Variants in GABRG2 observed in about 807,000 individuals in gnomAD.
GABRG2 encodes the protein gamma-aminobutyric acid receptor subunit gamma-2.
GABRG2 carries 16 observed loss-of-function variants against 56.4 expected under a neutral mutation model. The observed-to-expected ratio is 0.28, with a 90% CI of 0.19 to 0.43. The LOEUF (loss-of-function observed/expected upper bound fraction) is 0.43. Among genes scored for constraint, GABRG2 ranks in the 20% least tolerant of loss-of-function variants. The probability of loss-of-function intolerance (pLI) is 1.00; values close to 1 mark genes in which losing one functional copy is unlikely to be tolerated. For synonymous variants in GABRG2, 208 were observed against 205.5 expected, an observed-to-expected ratio of 1.01 and a Z score of -0.10; for missense variants, 327 against 582.7, an observed-to-expected ratio of 0.56 and a Z score of 4.52.
intron 7 of GABRG2, among the ~76,000 whole-genome samples, chr5:162,146,610 A>G (rs1483498509): frequency 1.3e-5 from 2 of 152,290 alleles, no homozygotes; most frequent in African/African-American, 4.8e-5. Context: ...TCACACATTC[A>G]TTGAACAAAC....
chr5:162,115,652 T>C (rs192569373), intron 6 of GABRG2, among the ~76,000 whole-genome samples: 1 of 152,200 alleles, frequency 6.6e-6, no homozygotes, highest in East Asian at 1.9e-4. Flanking sequence ...GTGACATGGC[T>C]TTCAGAGAGG....
chr5:162,069,939 A>G (rs1277896897), intron 1 of GABRG2, among the ~76,000 whole-genome samples: 1 of 152,142 alleles, frequency 6.6e-6, no homozygotes, highest in Non-Finnish European at 1.5e-5. Context: ...GACACAAGGG[A>G]ATGTCTTTCT....
At chr5:162,095,044 A>G (rs1044318369) in intron 2 of GABRG2, among the ~76,000 whole-genome samples, 2 of 152,106 alleles carry the variant, frequency 1.3e-5, no homozygotes, top group Admixed American at 6.6e-5. Flanking sequence ...TTATATTACC[A>G]GTTTGCTGTT....
intron 1 of GABRG2, among the ~76,000 whole-genome samples, chr5:162,080,151 C>T (rs1032318863): frequency 1.3e-5 from 2 of 152,158 alleles, no homozygotes; most frequent in African/African-American, 2.4e-5. Context: ...GTTTCTAATA[C>T]TTGCATGCCA....
At chr5:162,139,370 A>G (rs1368160219) in intron 6 of GABRG2, among the ~76,000 whole-genome samples, 3 of 152,212 alleles carry the variant, frequency 2.0e-5, no homozygotes, top group Admixed American at 6.5e-5. Context: ...GTTTTCAGGA[A>G]TACAAAAAGC....
At chr5:162,080,712 T>C (rs1357925523) in intron 1 of GABRG2, among the ~76,000 whole-genome samples, 4 of 152,128 alleles carry the variant, frequency 2.6e-5, no homozygotes, top group Non-Finnish European at 5.9e-5. Context: ...GCGTTTTACC[T>C]GCCAGTTTTC....
At chr5:162,123,409 A>G (rs1763108460) in intron 6 of GABRG2, among the ~76,000 whole-genome samples, 1 of 151,776 alleles carries the variant, frequency 6.6e-6, no homozygotes, top group African/African-American at 2.4e-5. Flanking sequence ...TGATGATGGT[A>G]TTGTCATACC....
At chr5:162,089,460 T>A (rs1760391649) in intron 1 of GABRG2, among the ~76,000 whole-genome samples, 1 of 152,106 alleles carries the variant, frequency 6.6e-6, no homozygotes, top group African/African-American at 2.4e-5. Flanking sequence ...GCATGGGAAT[T>A]TTTATTAGAA....
intron 4 of GABRG2, chr5:162,098,105 T>C: frequency 1.9e-6 from 1 of 517,214 alleles, no homozygotes; most frequent in Non-Finnish European, 3.5e-6. Flanking sequence ...AAACTATTTT[T>C]TGTCACAACT....
At chr5:162,109,533 C>T (rs1248275198) in intron 6 of GABRG2, among the ~76,000 whole-genome samples, 2 of 150,978 alleles carry the variant, frequency 1.3e-5, no homozygotes, top group African/African-American at 4.9e-5. Context: ...CAACAGAAAC[C>T]TTCTTTTAAT....
intron 1 of GABRG2, among the ~76,000 whole-genome samples, chr5:162,076,302 C>T (rs893082883): frequency 2.6e-5 from 4 of 152,028 alleles, no homozygotes; most frequent in Non-Finnish European, 5.9e-5. Context: ...TTATTTATCC[C>T]CTGATATATC....
chr5:162,087,615 A>T (rs1312194657), intron 1 of GABRG2, among the ~76,000 whole-genome samples: 1 of 152,060 alleles, frequency 6.6e-6, no homozygotes, highest in Non-Finnish European at 1.5e-5. Flanking sequence ...AATGCCATGG[A>T]GGATAGAAGA....
chr5:162,139,317 G>A (rs187711865), intron 6 of GABRG2, among the ~76,000 whole-genome samples: 23 of 152,286 alleles, frequency 1.5e-4, no homozygotes, highest in Non-Finnish European at 2.1e-4. Context: ...CACTGATGCC[G>A]CACTTTAAGG....
intron 4 of GABRG2, chr5:162,099,249 T>C (rs745829214): frequency 2.6e-5 from 4 of 152,028 alleles, no homozygotes; most frequent in Non-Finnish European, 5.9e-5. Flanking sequence ...GATATAGTAA[T>C]GACTGAGTTT....
At chr5:162,129,483 A>G (rs1005220802) in intron 6 of GABRG2, among the ~76,000 whole-genome samples, 2 of 149,458 alleles carry the variant, frequency 1.3e-5, no homozygotes, top group South Asian at 2.1e-4. Flanking sequence ...TTAAAAAGTG[A>G]AAAAAAAAAT....
At chr5:162,122,044 T>C (rs184533245) in intron 6 of GABRG2, among the ~76,000 whole-genome samples, 25 of 152,102 alleles carry the variant, frequency 1.6e-4, no homozygotes, top group African/African-American at 6.0e-4. Context: ...TTAAAAACAT[T>C]CTTAACTTTA....
intron 1 of GABRG2, among the ~76,000 whole-genome samples, chr5:162,080,769 G>T (rs73304511): frequency 0.015 from 2,211 of 152,172 alleles, 56 homozygotes; most frequent in African/African-American, 0.05. Flanking sequence ...CTTCATCAGA[G>T]TTATATAACG....
At position 162,142,017 on chromosome 5, in the gene GABRG2, C is replaced by A. The variant is rs970715930; in HGVS notation, c.770-147C>A. 5.9e-6 allele frequency: 6 copies of A among 1,024,394 alleles called. No individual in the cohort carries two copies. In the African/African-American group the frequency reaches 6.3e-5, roughly 11 times the overall value. The allele number at this position is 1,024,394 out of a possible 1,614,324, so 63.5% of individuals were successfully genotyped here. A position where few individuals can be genotyped will look rare whatever the true frequency, so the allele number is the denominator to read the frequency against. ...TGTGTTTCATTTTTGTTTTTTAACC[C>A]AAGCGGGCAAAAATAGTTTTCAACA... On this transcript the variant is annotated intron_variant, in intron 6 of 9. Transcript: ENST00000639213.
At chr5:162,088,235 A>G (rs1379048768) in intron 1 of GABRG2, among the ~76,000 whole-genome samples, 1 of 152,102 alleles carries the variant, frequency 6.6e-6, no homozygotes, top group African/African-American at 2.4e-5. Flanking sequence ...TACTGAGTGG[A>G]GTCCCCCTTC....
Sources: gnomAD v4.1 joint callset for allele counts (sites outside exome capture counted in the v4.1 genomes callset) on GRCh38, gnomAD v4.1.1 for gene constraint, MANE v1.5 for transcripts, NCBI Gene and HGNC (gene_info 2026-07-23, HGNC 2026-07-21) for gene names.